Variants in LANCL3 observed in about 807,000 individuals in gnomAD.
LANCL3 encodes the protein lanC-like protein 3.
Under a neutral mutation model 26.5 loss-of-function variants are expected in LANCL3, and 19 were observed. That is an observed-to-expected ratio of 0.72 (90% confidence interval 0.50 to 1.05). The LOEUF (loss-of-function observed/expected upper bound fraction) is 1.05. LANCL3 is among the 50% of genes least tolerant of loss of function. LANCL3 has a pLI of 0.00. For synonymous variants in LANCL3, 160 were observed against 166.6 expected, an observed-to-expected ratio of 0.96 and a Z score of 0.30; for missense variants, 318 against 362.7, an observed-to-expected ratio of 0.88 and a Z score of 1.00.
rs1430782716 is a variant in LANCL3, at chrX:37,655,961, A to T, written c.697+150A>T. 8 of 409,441 alleles carry T rather than the reference A, an allele frequency of 2.0e-5. No homozygotes were observed. The Admixed American group carries it at 3.9e-4, about 20-fold the overall frequency. The allele number at this position is 409,441 out of a possible 1,213,427, so 33.7% of individuals were successfully genotyped here. On this transcript the variant is annotated intron_variant, in intron 2 of 4. Transcript: ENST00000378619. Reference sequence around the variant, plus strand: ...AAATTTTCTTTAAAAACCTATACTGATACATAACACAAATCACAAGTTAAT... The same window carrying T: ...AAATTTTCTTTAAAAACCTATACTGTTACATAACACAAATCACAAGTTAAT...
At chrX:37,621,172 T>C (rs1275954262) in intron 1 of LANCL3, among the ~76,000 whole-genome samples, 2 of 112,466 alleles carry the variant, frequency 1.8e-5, no homozygotes, top group East Asian at 2.8e-4. Context: ...TACTTTGTCC[T>C]TTTTCATCAT....
In LANCL3 at chrX:37,676,225, T is replaced by TA. The variant is rs1424414634; in HGVS notation, c.*418dup. Reference sequence around the variant, plus strand: ...CCCTTAAATTCAGAAATAAAGACAATAAAAAATTAAAATAATTGCCCAGCT... The same window carrying TA: ...CCCTTAAATTCAGAAATAAAGACAATAAAAAAATTAAAATAATTGCCCAGCT... On this transcript the variant is annotated 3_prime_UTR_variant, in exon 5 of 5. Transcript: ENST00000378619. 8.8e-6 allele frequency: 1 copy of TA among 113,002 alleles called. No homozygotes were observed. Among genetic ancestry groups the TA allele is most frequent in the Admixed American group, 9.5e-5 (1 of 10,559 alleles). 9.3% of individuals were successfully genotyped at this position (113,002 alleles called of 1,213,427 possible). A position where few individuals can be genotyped will look rare whatever the true frequency, so the allele number is the denominator to read the frequency against.
At chrX:37,574,888 GGTGTGTGTGTGT>G (rs781868476) in intron 1 of LANCL3, among the ~76,000 whole-genome samples, 1 of 100,894 alleles carries the variant, frequency 9.9e-6, no homozygotes, top group African/African-American at 3.7e-5. Flanking sequence ...ACCTTGTATA[GGTGTGTGTGTGT>G]GTGTGTGTGT....
At position 37,585,349 on chromosome X, in the gene LANCL3, C is replaced by A. The variant is rs145844243; in HGVS notation, c.573+12906C>A. Among the ~76,000 whole-genome samples the A allele has an allele frequency of 9.9e-3, 1,104 of 111,027 alleles. 20 individuals are homozygous for A. Among genetic ancestry groups the A allele is most frequent in the African/African-American group, 0.035 (1,064 of 30,449 alleles). The stretch of plus-strand genomic sequence containing the variant: ...GAGCTGAGTTCAATTCCTGGGTATC[C>A]TTGTTAACTTTCTGTCTCATTGATC... On this transcript the variant is annotated intron_variant, in intron 1 of 4. Transcript: ENST00000378619.
At chrX:37,649,318 G>A (rs1419211997) in intron 1 of LANCL3, among the ~76,000 whole-genome samples, 2 of 111,573 alleles carry the variant, frequency 1.8e-5, no homozygotes, top group African/African-American at 6.5e-5. Flanking sequence ...CATGAATGAA[G>A]CTGGAAGGCA....
At chrX:37,609,002 A>C (rs1924788056) in intron 1 of LANCL3, among the ~76,000 whole-genome samples, 1 of 112,523 alleles carries the variant, frequency 8.9e-6, no homozygotes, top group Non-Finnish European at 1.9e-5. Context: ...TCTAAAAAAC[A>C]AATTCCCACT....
chrX:37,636,640 T>G (rs1271605422), intron 1 of LANCL3, among the ~76,000 whole-genome samples: 2 of 112,135 alleles, frequency 1.8e-5, no homozygotes, highest in Non-Finnish European at 3.8e-5. Context: ...GACTCTCAAT[T>G]GAAAAACAAT....
chrX:37,650,258 G>A (rs141015917), intron 1 of LANCL3, among the ~76,000 whole-genome samples: 3,180 of 100,216 alleles, frequency 0.032, 157 homozygotes, highest in African/African-American at 0.11. Flanking sequence ...AGCCAAGATC[G>A]TGCCACTGCA....
chrX:37,622,729 AGTAG>A (rs1308317166), intron 1 of LANCL3, among the ~76,000 whole-genome samples: 1 of 112,063 alleles, frequency 8.9e-6, no homozygotes, highest in Admixed American at 9.5e-5. Context: ...GTGGTCCATC[AGTAG>A]GCCTTTGCTA....
chrX:37,654,299 A>G (rs1306784766), intron 1 of LANCL3, among the ~76,000 whole-genome samples: 1 of 112,795 alleles, frequency 8.9e-6, no homozygotes, highest in African/African-American at 3.2e-5. Flanking sequence ...GCAATTTATG[A>G]ATAAATCATT....
chrX:37,625,275 T>A (rs1452354047), intron 1 of LANCL3, among the ~76,000 whole-genome samples: 1 of 111,778 alleles, frequency 8.9e-6, no homozygotes, highest in Non-Finnish European at 1.9e-5. Context: ...AAGTTTTTAT[T>A]TTTCCTCACT....
chrX:37,671,621 T>C (rs1270317067), intron 4 of LANCL3, among the ~76,000 whole-genome samples: 1 of 110,720 alleles, frequency 9.0e-6, no homozygotes, highest in African/African-American at 3.3e-5. Context: ...GGATGCCAGG[T>C]ACACTCCACC....
intron 1 of LANCL3, among the ~76,000 whole-genome samples, chrX:37,604,050 C>T (rs1351015409): frequency 8.9e-6 from 1 of 112,742 alleles, no homozygotes; most frequent in African/African-American, 3.2e-5. Flanking sequence ...CTGTGCCCTT[C>T]CTGCTGTTCC....
At chrX:37,655,584 A>G (rs1926262868) in intron 1 of LANCL3, 104 bp from the exon 2 acceptor site, 5 of 636,336 alleles carry the variant, frequency 7.9e-6, no homozygotes, top group Non-Finnish European at 1.2e-5. Context: ...CATATAGTAC[A>G]GGATTCTGTG....
chrX:37,654,125 G>A lies in LANCL3; in HGVS notation c.574-1563G>A, dbSNP rs1037585797. Reference sequence around the variant, plus strand: ...TTCTCAAATTTCTCCACAACACCTAGTGTGGGACCTTACTGGAATAGTAGC... The same window carrying A: ...TTCTCAAATTTCTCCACAACACCTAATGTGGGACCTTACTGGAATAGTAGC... On this transcript the variant is annotated intron_variant, in intron 1 of 4. Coordinates refer to ENST00000378619, the MANE Select transcript of LANCL3 (RefSeq NM_001170331.2). Among the ~76,000 whole-genome samples the A allele has an allele frequency of 2.7e-5, 3 of 112,188 alleles. No homozygotes were observed. The East Asian group carries it at 8.4e-4, about 31-fold the overall frequency.
chrX:37,573,086 T>A (rs1387377690), intron 1 of LANCL3, among the ~76,000 whole-genome samples: 2 of 112,694 alleles, frequency 1.8e-5, no homozygotes, highest in African/African-American at 6.5e-5. Context: ...CACTTAAAAA[T>A]ATTTGCTTAG....
intron 1 of LANCL3, among the ~76,000 whole-genome samples, chrX:37,611,660 A>T: frequency 8.9e-6 from 1 of 112,051 alleles, no homozygotes; most frequent in Middle Eastern, 4.6e-3. Context: ...GGACTGCTTG[A>T]TGTAAATCTA....
At chrX:37,665,420 G>A (rs1297002821) in intron 3 of LANCL3, among the ~76,000 whole-genome samples, 1 of 111,682 alleles carries the variant, frequency 9.0e-6, no homozygotes, top group African/African-American at 3.3e-5. Flanking sequence ...AATTCTCTAT[G>A]TATCCTTCAA....
At chrX:37,633,959 A>G (rs1925621089) in intron 1 of LANCL3, among the ~76,000 whole-genome samples, 1 of 112,166 alleles carries the variant, frequency 8.9e-6, no homozygotes, top group Admixed American at 9.4e-5. Flanking sequence ...TGCTCTCTTC[A>G]AAGCTGTCAG....
Sources: gnomAD v4.1 joint callset for allele counts (sites outside exome capture counted in the v4.1 genomes callset) on GRCh38, gnomAD v4.1.1 for gene constraint, MANE v1.5 for transcripts, NCBI Gene and HGNC (gene_info 2026-07-23, HGNC 2026-07-21) for gene names.